Variants in CNTN5 observed in about 807,000 individuals in gnomAD.
The protein encoded by CNTN5 is contactin-5.
Under a neutral mutation model 129.1 loss-of-function variants are expected in CNTN5, and 77 were observed. That is an observed-to-expected ratio of 0.60 (90% CI 0.50 to 0.72). The LOEUF is 0.72. Ranked by LOEUF, CNTN5 falls within the 30% of genes least tolerant of loss-of-function variation. The pLI, the probability that CNTN5 is intolerant of heterozygous loss-of-function variation, is 0.00. For missense variants in CNTN5, 1,478 were observed against 1,328.8 expected (o/e 1.11, Z -1.75); for synonymous variants, 509 against 465.6 (o/e 1.09, Z -1.20).
intron 3 of CNTN5, among the ~76,000 whole-genome samples, chr11:99,771,589 TA>T (rs1414202615): frequency 1.3e-5 from 2 of 151,898 alleles, no homozygotes; most frequent in East Asian, 3.9e-4. Flanking sequence ...ATGTAGAATC[TA>T]AAAAAGTGAA....
intron 2 of CNTN5, among the ~76,000 whole-genome samples, chr11:99,477,101 T>G (rs557909811): frequency 7.3e-5 from 11 of 151,438 alleles, no homozygotes; most frequent in African/African-American, 2.7e-4. Flanking sequence ...ATATATTGAA[T>G]TTATTTAATT....
intron 3 of CNTN5, among the ~76,000 whole-genome samples, chr11:99,776,771 T>C (rs532904897): frequency 2.0e-4 from 31 of 151,708 alleles, no homozygotes; most frequent in African/African-American, 6.5e-4. Flanking sequence ...GGATATCTTA[T>C]AGGAAACTCA....
intron 8 of CNTN5, among the ~76,000 whole-genome samples, chr11:99,982,090 C>T (rs1265485824): frequency 6.6e-6 from 1 of 152,122 alleles, no homozygotes; most frequent in Non-Finnish European, 1.5e-5. Flanking sequence ...GTTATCTAGC[C>T]TTGTTAATGG....
chr11:99,633,590 C>G (rs2135811367), intron 3 of CNTN5, among the ~76,000 whole-genome samples: 1 of 151,828 alleles, frequency 6.6e-6, no homozygotes, highest in African/African-American at 2.4e-5. Context: ...GATCATCTAC[C>G]AGGTACTTCA....
At chr11:100,300,357 GA>G (rs1268752988) in intron 20 of CNTN5, among the ~76,000 whole-genome samples, 2 of 151,044 alleles carry the variant, frequency 1.3e-5, no homozygotes, top group Admixed American at 6.6e-5. Context: ...ACAAGTGGGG[GA>G]AAAAAATGAG....
intron 7 of CNTN5, among the ~76,000 whole-genome samples, chr11:99,946,990 TAATA>T (rs1404173448): frequency 6.6e-6 from 1 of 151,008 alleles, no homozygotes; most frequent in African/African-American, 2.5e-5. Flanking sequence ...TTATAAAAAT[TAATA>T]TATAAGCATG....
intron 1 of CNTN5, among the ~76,000 whole-genome samples, chr11:99,040,323 T>A (rs1166309194): frequency 6.6e-6 from 1 of 152,158 alleles, no homozygotes; most frequent in Non-Finnish European, 1.5e-5. Context: ...AAAAACTGAA[T>A]GTGTAGCTTA....
intron 8 of CNTN5, among the ~76,000 whole-genome samples, chr11:99,997,219 T>G (rs137931406): frequency 0.02 from 2,990 of 152,294 alleles, 48 homozygotes; most frequent in Middle Eastern, 0.037. Context: ...TTGAAGGGTT[T>G]TTTTGGTCTC....
At position 99,968,016 on chromosome 11, in the gene CNTN5, A is replaced by G. The variant is rs143464240; in HGVS notation, c.877+11007A>G. Among the ~76,000 whole-genome samples the G allele has an allele frequency of 2.4e-3, 363 of 152,344 alleles. 1 individual carries two copies. The highest frequency in any genetic ancestry group is 8.4e-3 in the African/African-American group (348 of 41,582). ...ACTAAAAAGAAGTTGAGGTTGCTAT[A>G]TTAATATCCTGTATTAAGCAAAGAT... On this transcript the variant is annotated intron_variant, in intron 8 of 24. Transcript: ENST00000524871.
chr11:99,746,562 G>T (rs1270655304), intron 3 of CNTN5, among the ~76,000 whole-genome samples: 1 of 152,164 alleles, frequency 6.6e-6, no homozygotes. Context: ...CAGATGTGTG[G>T]CTGCATGCAT....
intron 13 of CNTN5, among the ~76,000 whole-genome samples, chr11:100,111,829 G>T (rs1317900665): frequency 6.6e-6 from 1 of 152,096 alleles, no homozygotes; most frequent in Non-Finnish European, 1.5e-5. Flanking sequence ...CATCATTCCA[G>T]TCTTTGATTG....
At chr11:99,137,422 T>C (rs879943825) in intron 1 of CNTN5, among the ~76,000 whole-genome samples, 9 of 152,138 alleles carry the variant, frequency 5.9e-5, no homozygotes, top group Non-Finnish European at 1.3e-4. Context: ...TTGATTGCTC[T>C]CTCTTTCATT....
At chr11:100,300,206 A>C (rs1453160371) in intron 20 of CNTN5, among the ~76,000 whole-genome samples, 2 of 151,500 alleles carry the variant, frequency 1.3e-5, no homozygotes, top group Non-Finnish European at 3.0e-5. Flanking sequence ...TGCTTCCTAC[A>C]TCAAAGATAC....
At position 99,475,163 on chromosome 11, in the gene CNTN5, C is replaced by T. The variant is rs1434445590; in HGVS notation, c.-70-80982C>T. On this transcript the variant is annotated intron_variant, in intron 2 of 24. Coordinates refer to ENST00000524871, the MANE Select transcript of CNTN5 (RefSeq NM_014361.4). ...AATGTGGGATTAGACCATGTAAGAT[C>T]CACCCTCCCTCTTTACTGTGGGAGT... Among the ~76,000 whole-genome samples, 7 of 152,078 alleles carry T rather than the reference C, an allele frequency of 4.6e-5. No individual in the cohort carries two copies. The South Asian group carries it at 1.5e-3, about 32-fold the overall frequency.
At chr11:100,191,345 C>T (rs1364362051) in intron 14 of CNTN5, 92 bp downstream of exon 14, 4 of 1,062,548 alleles carry the variant, frequency 3.8e-6, no homozygotes, top group Non-Finnish European at 5.2e-6. Flanking sequence ...TATGTTTGGA[C>T]TTAAGTGTGT....
At chr11:99,092,331 A>G (rs1488656585) in intron 1 of CNTN5, among the ~76,000 whole-genome samples, 1 of 152,108 alleles carries the variant, frequency 6.6e-6, no homozygotes, top group East Asian at 1.9e-4. Flanking sequence ...GCAAAGATAT[A>G]CAGAGTACTT....
chr11:99,850,565 T>C (rs1243820569), intron 6 of CNTN5, among the ~76,000 whole-genome samples: 1 of 152,212 alleles, frequency 6.6e-6, no homozygotes, highest in East Asian at 1.9e-4. Context: ...TATGCTTGTA[T>C]AATAATGTTA....
intron 8 of CNTN5, among the ~76,000 whole-genome samples, chr11:99,983,652 C>A (rs1016351130): frequency 6.6e-6 from 1 of 152,156 alleles, no homozygotes; most frequent in Admixed American, 6.5e-5. Context: ...TGGAGAAAGA[C>A]ATTGATTGAC....
intron 13 of CNTN5, among the ~76,000 whole-genome samples, chr11:100,185,929 A>C (rs2138476652): frequency 6.6e-6 from 1 of 152,284 alleles, no homozygotes; most frequent in South Asian, 2.1e-4. Context: ...TTCTGTTGTT[A>C]AACAACGTAA....
Sources: gnomAD v4.1 joint callset for allele counts (sites outside exome capture counted in the v4.1 genomes callset) on GRCh38, gnomAD v4.1.1 for gene constraint, MANE v1.5 for transcripts, NCBI Gene and HGNC (gene_info 2026-07-23, HGNC 2026-07-21) for gene names.